The following ADAMTSL3 variants were observed in gnomAD, a reference collection of about 807,000 sequenced individuals.
The protein encoded by ADAMTSL3 is ADAMTS-like protein 3.
Under a neutral mutation model 201.7 loss-of-function variants are expected in ADAMTSL3, and 128 were observed. That is an observed-to-expected ratio of 0.63 (90% CI 0.55 to 0.73). The LOEUF is 0.73. Ranked by LOEUF, ADAMTSL3 falls within the 30% of genes least tolerant of loss-of-function variation. The pLI is 0.00. For synonymous variants in ADAMTSL3, 738 were observed against 748.4 expected, an observed-to-expected ratio of 0.99 and a Z score of 0.23; for missense variants, 1,990 against 2,119.6, an observed-to-expected ratio of 0.94 and a Z score of 1.20.
chr15:83,981,318 G>C (rs2067381358), intron 20 of ADAMTSL3, among the ~76,000 whole-genome samples: 1 of 152,190 alleles, frequency 6.6e-6, no homozygotes, highest in Non-Finnish European at 1.5e-5. Context: ...GGAGCCGATC[G>C]ATGCCCAGGA....
chr15:83,837,877 C>T (rs1326089196), intron 6 of ADAMTSL3, among the ~76,000 whole-genome samples: 1 of 151,394 alleles, frequency 6.6e-6, no homozygotes, highest in African/African-American at 2.4e-5. Context: ...AGCTTCAAAT[C>T]TTAATATTAA....
At chr15:83,836,202 CT>C (rs2064265299) in intron 6 of ADAMTSL3, among the ~76,000 whole-genome samples, 1 of 152,092 alleles carries the variant, frequency 6.6e-6, no homozygotes, top group South Asian at 2.1e-4. Context: ...TTAATCCCCC[CT>C]ACAATTTTTC....
At chr15:83,842,494 G>T (rs1055160372) in intron 7 of ADAMTSL3, among the ~76,000 whole-genome samples, 1 of 152,132 alleles carries the variant, frequency 6.6e-6, no homozygotes, top group Non-Finnish European at 1.5e-5. Context: ...TGCTGGGCAC[G>T]GAAGAAGCAA....
At chr15:83,776,821 A>G (rs1329944817) in intron 4 of ADAMTSL3, among the ~76,000 whole-genome samples, 1 of 152,252 alleles carries the variant, frequency 6.6e-6, no homozygotes, top group Non-Finnish European at 1.5e-5. Context: ...GAAATCAGTT[A>G]TGTGATGGGA....
intron 26 of ADAMTSL3, among the ~76,000 whole-genome samples, chr15:84,024,038 G>A (rs542949190): frequency 1.4e-3 from 220 of 152,274 alleles, no homozygotes; most frequent in Non-Finnish European, 2.1e-3. Flanking sequence ...GGCGGATCAC[G>A]AGGTCAGGAG....
intron 8 of ADAMTSL3, among the ~76,000 whole-genome samples, chr15:83,869,484 C>T (rs921043847): frequency 1.3e-5 from 2 of 152,154 alleles, no homozygotes; most frequent in Non-Finnish European, 2.9e-5. Flanking sequence ...TAGCTCATGT[C>T]CAGCCTTTGA....
intron 25 of ADAMTSL3, among the ~76,000 whole-genome samples, chr15:84,019,392 CA>C (rs1247803535): frequency 6.6e-6 from 1 of 151,754 alleles, no homozygotes; most frequent in Non-Finnish European, 1.5e-5. Flanking sequence ...GTTTCACTCA[CA>C]GGTATTTACC....
chr15:83,802,971 A>G (rs2063547533), intron 4 of ADAMTSL3, among the ~76,000 whole-genome samples: 1 of 152,232 alleles, frequency 6.6e-6, no homozygotes, highest in Non-Finnish European at 1.5e-5. Context: ...ATTTTATGTT[A>G]TGTGTATTTT....
intron 20 of ADAMTSL3, among the ~76,000 whole-genome samples, chr15:83,981,888 C>T (rs182656143): frequency 6.6e-6 from 1 of 152,292 alleles, no homozygotes; most frequent in East Asian, 1.9e-4. Flanking sequence ...AAACATGTAC[C>T]CAGAGGCTGG....
chr15:83,898,774 AG>A lies in ADAMTSL3; in HGVS notation c.1615+771del, dbSNP rs141087041. Among the ~76,000 whole-genome samples the A allele has an allele frequency of 7.6e-3, 1,160 of 152,304 alleles. 13 individuals are homozygous for A. The highest frequency in any genetic ancestry group is 0.026 in the African/African-American group (1,085 of 41,566). ...AGATTATTCCCAACTATTAGTAAGAAGGACTCCTCCTTAGTACTTGAGAGAG... is the reference window on the plus strand; with the variant it reads ...AGATTATTCCCAACTATTAGTAAGAAGACTCCTCCTTAGTACTTGAGAGAG... On this transcript the variant is annotated intron_variant, in intron 14 of 29. Transcript: ENST00000286744.
rs768835794 is a variant in ADAMTSL3, at chr15:83,970,564, C to G, written c.2571C>G (p.Pro857=). 6.2e-7 allele frequency: 1 copy of G among 1,614,080 alleles called. No individual in the cohort carries two copies. Among genetic ancestry groups the G allele is most frequent in the South Asian group, 1.1e-5 (1 of 91,082 alleles). The change falls in exon 20 of 30, where the codon CCC becomes CCG. Residue 857 remains proline (P), a synonymous_variant. Coordinates refer to ENST00000286744, the MANE Select transcript of ADAMTSL3 (RefSeq NM_207517.3). ...TGGCAGCCAAAGGTCGGCGCATCCCCCTCAGTGAGATGATGTGCAGGGATC... is the reference window on the plus strand; with the variant it reads ...TGGCAGCCAAAGGTCGGCGCATCCCGCTCAGTGAGATGATGTGCAGGGATC... The part of the protein sequence containing the change: ...QRLAAKGRRI[P]LSEMMCRDLP...
chr15:83,723,912 A>T (rs1166308863), intron 3 of ADAMTSL3, among the ~76,000 whole-genome samples: 2 of 152,102 alleles, frequency 1.3e-5, no homozygotes, highest in Non-Finnish European at 2.9e-5. Flanking sequence ...TTGGGAAGGG[A>T]TTAACAGTAG....
rs2068512669 is a variant in ADAMTSL3, at chr15:84,036,717, T to C, written c.4755-56T>C. The C allele has an allele frequency of 4.2e-6, 6 of 1,443,240 alleles. No individual in the cohort carries two copies. In the South Asian group the frequency reaches 6.5e-5, roughly 16 times the overall value. The allele number at this position is 1,443,240 out of a possible 1,614,324, so 89.4% of individuals were successfully genotyped here. A position where few individuals can be genotyped will look rare whatever the true frequency, so the allele number is the denominator to read the frequency against. On this transcript the variant is annotated intron_variant, in intron 28 of 29. Transcript: ENST00000286744. ...AAAAGGCTTGGTCCCAGCAAAAAGT[T>C]ACACCCTGCCTCTCCTATTTTTTGT...
chr15:83,718,392 C>T (rs1486336749), intron 3 of ADAMTSL3, among the ~76,000 whole-genome samples: 1 of 152,074 alleles, frequency 6.6e-6, no homozygotes, highest in Non-Finnish European at 1.5e-5. Flanking sequence ...CTTGTCAACA[C>T]TTTTATAAGC....
chr15:83,921,223 A>G (rs1284847438), intron 16 of ADAMTSL3, among the ~76,000 whole-genome samples: 1 of 152,194 alleles, frequency 6.6e-6, no homozygotes, highest in Non-Finnish European at 1.5e-5. Flanking sequence ...GGACTATATT[A>G]TAGTCCGAGA....
At chr15:83,746,491 A>G (rs1438097739) in intron 3 of ADAMTSL3, among the ~76,000 whole-genome samples, 1 of 152,078 alleles carries the variant, frequency 6.6e-6, no homozygotes, top group African/African-American at 2.4e-5. Context: ...ACCCATGAAA[A>G]TGTTCGTATT....
intron 25 of ADAMTSL3, among the ~76,000 whole-genome samples, chr15:84,018,048 T>C (rs2068119751): frequency 6.6e-6 from 1 of 152,234 alleles, no homozygotes; most frequent in African/African-American, 2.4e-5. Flanking sequence ...GTGTGTTGCA[T>C]GTGGCATGGA....
At chr15:83,951,512 A>T (rs531532297) in intron 19 of ADAMTSL3, among the ~76,000 whole-genome samples, 38 of 152,236 alleles carry the variant, frequency 2.5e-4, no homozygotes, top group African/African-American at 9.1e-4. Flanking sequence ...TTGGTATCAG[A>T]TTAATACTGG....
intron 2 of ADAMTSL3, among the ~76,000 whole-genome samples, chr15:83,681,089 A>G (rs1049814656): frequency 6.6e-6 from 1 of 152,202 alleles, no homozygotes; most frequent in Non-Finnish European, 1.5e-5. Flanking sequence ...GTATTCCCCA[A>G]ACTTGGGAGG....
Sources: gnomAD v4.1 joint callset for allele counts (sites outside exome capture counted in the v4.1 genomes callset) on GRCh38, gnomAD v4.1.1 for gene constraint, MANE v1.5 for transcripts, NCBI Gene and HGNC (gene_info 2026-07-23, HGNC 2026-07-21) for gene names.